The following KRABD4 variants were observed in gnomAD, a reference collection of about 807,000 sequenced individuals.
The protein encoded by KRABD4 is KRAB domain-containing protein 4.
chrX:46,464,115 G>A, the KRABD4 span, among the ~76,000 whole-genome samples: 1 of 109,469 alleles, frequency 9.1e-6, no homozygotes, highest in Admixed American at 9.7e-5. Flanking sequence ...TCAGTGAACC[G>A]TATTTTAGTC....
At chrX:46,472,461 G>C in the KRABD4 span, 3 of 271,995 alleles carry the variant, frequency 1.1e-5, no homozygotes, top group Non-Finnish European at 1.9e-5. Context: ...TTCAATTTCT[G>C]TTCACTCCCT....
the KRABD4 span, among the ~76,000 whole-genome samples, chrX:46,447,755 T>G: frequency 8.9e-6 from 1 of 112,366 alleles, no homozygotes; most frequent in Non-Finnish European, 1.9e-5. Context: ...TGGCTCAGTG[T>G]GGCTTGACAA....
chrX:46,473,547 C>A, the KRABD4 span: 1 of 584,042 alleles, frequency 1.7e-6, no homozygotes. Context: ...AATCAACTCT[C>A]ATTGTATGTC....
At chrX:46,447,630 C>T in the KRABD4 span, among the ~76,000 whole-genome samples, 1 of 110,086 alleles carries the variant, frequency 9.1e-6, no homozygotes, top group African/African-American at 3.3e-5. Context: ...AGTCACTCCG[C>T]GCCTGTTTCC....
At chrX:46,448,751 A>T in the KRABD4 span, 1 of 112,930 alleles carries the variant, frequency 8.9e-6, no homozygotes, top group African/African-American at 3.2e-5. Context: ...ACAGCCAGCC[A>T]CAGAGGATTG....
chrX:46,449,052 T>C, the KRABD4 span, among the ~76,000 whole-genome samples: 1 of 112,545 alleles, frequency 8.9e-6, no homozygotes, highest in Non-Finnish European at 1.9e-5. Context: ...CCTGTTGTCC[T>C]GATACTGTCA....
At chrX:46,451,421 A>G in the KRABD4 span, among the ~76,000 whole-genome samples, 1 of 112,362 alleles carries the variant, frequency 8.9e-6, no homozygotes, top group South Asian at 3.7e-4. Flanking sequence ...TCGATATATA[A>G]AGATTGTTTT....
the KRABD4 span, chrX:46,472,871 A>G: frequency 8.3e-7 from 1 of 1,211,947 alleles, no homozygotes; most frequent in Middle Eastern, 2.3e-4. Context: ...AATCCAGAAC[A>G]TGTAGAAAAA....
chrX:46,468,026 T>C, the KRABD4 span, among the ~76,000 whole-genome samples: 1 of 111,918 alleles, frequency 8.9e-6, no homozygotes, highest in Non-Finnish European at 1.9e-5. Flanking sequence ...ATTTTTTCTG[T>C]ATGTTTTCTT....
At chrX:46,462,560 G>A in the KRABD4 span, 6 of 679,469 alleles carry the variant, frequency 8.8e-6, no homozygotes, top group African/African-American at 2.2e-5. Context: ...ACCAGACCGT[G>A]TGGATTCGAC....
chrX:46,450,610 G>A, the KRABD4 span: 7 of 505,568 alleles, frequency 1.4e-5, no homozygotes, highest in Admixed American at 9.0e-5. Context: ...TCAACCTCTG[G>A]TTTCTCTGAT....
chrX:46,447,772 C>T, the KRABD4 span, among the ~76,000 whole-genome samples: 2 of 112,066 alleles, frequency 1.8e-5, no homozygotes, highest in Non-Finnish European at 3.8e-5. Context: ...ACAACCTGTC[C>T]AAAGTCACGT....
chrX:46,473,655 CTTTTTT>C, the KRABD4 span: 19 of 183,203 alleles, frequency 1.0e-4, no homozygotes, highest in East Asian at 1.2e-4. Context: ...ATCAGTGAAT[CTTTTTT>C]TTTTTTTTTT....
At chrX:46,460,152 C>T in the KRABD4 span, among the ~76,000 whole-genome samples, 218 of 111,993 alleles carry the variant, frequency 1.9e-3, no homozygotes, top group East Asian at 0.014. Context: ...AGGCAAAGCG[C>T]GGTGGCTCAT....
At chrX:46,459,981 C>A in the KRABD4 span, among the ~76,000 whole-genome samples, 1 of 112,140 alleles carries the variant, frequency 8.9e-6, no homozygotes, top group African/African-American at 3.2e-5. Context: ...CACAAGACTG[C>A]CCTGACTTGA....
chrX:46,456,111 TG>T, the KRABD4 span: 1 of 306,846 alleles, frequency 3.3e-6, no homozygotes, highest in Non-Finnish European at 6.2e-6. Context: ...CTGGTTGCAT[TG>T]TCACTTTCAG....
chrX:46,450,053 G>A, the KRABD4 span, among the ~76,000 whole-genome samples: 6 of 111,535 alleles, frequency 5.4e-5, no homozygotes, highest in Non-Finnish European at 9.4e-5. Flanking sequence ...CACTGCACCC[G>A]GCCGCTTCCA....
At chrX:46,455,885 G>C in the KRABD4 span, 1 of 328,346 alleles carries the variant, frequency 3.0e-6, no homozygotes, top group Non-Finnish European at 5.7e-6. Flanking sequence ...TGAGGCAAAA[G>C]TGCTGAAGTA....
chrX:46,473,980 T>C, the KRABD4 span: 1 of 115,753 alleles, frequency 8.6e-6, no homozygotes, highest in Admixed American at 8.7e-5. Context: ...CAGTATTATA[T>C]CCATGCTGTA....
Sources: gnomAD v4.1 joint callset for allele counts (sites outside exome capture counted in the v4.1 genomes callset) on GRCh38, gnomAD v4.1.1 for gene constraint, MANE v1.5 for transcripts, NCBI Gene and HGNC (gene_info 2026-07-23, HGNC 2026-07-21) for gene names.